The following B3GLCT variants were observed in gnomAD, a reference collection of about 807,000 sequenced individuals.
B3GLCT encodes the protein beta 3-glucosyltransferase.
A neutral mutation model predicts 63.4 loss-of-function variants in B3GLCT; 65 were observed. The ratio of observed to expected loss-of-function variants is 1.03; its 90% CI spans 0.84 to 1.26. The LOEUF (loss-of-function observed/expected upper bound fraction) is 1.26, where lower values mean the gene tolerates loss of function less well. Ranked by LOEUF, B3GLCT falls within the 50% of genes most tolerant of loss-of-function variation. The pLI, the probability that B3GLCT is intolerant of heterozygous loss-of-function variation, is 0.00. For synonymous variants in B3GLCT, 233 were observed against 219.2 expected, an observed-to-expected ratio of 1.06 and a Z score of -0.55; for missense variants, 577 against 604.8, an observed-to-expected ratio of 0.95 and a Z score of 0.48.
chr13:31,223,049 A>G (rs1869902346), intron 3 of B3GLCT, 58 bp downstream of exon 3: 2 of 1,126,050 alleles, frequency 1.8e-6, no homozygotes, highest in African/African-American at 1.5e-5. Flanking sequence ...TGTATGAATT[A>G]TATTTCCATG....
intron 4 of B3GLCT, among the ~76,000 whole-genome samples, chr13:31,240,048 TTA>T (rs1231412791): frequency 1.3e-5 from 2 of 151,844 alleles, no homozygotes; most frequent in Non-Finnish European, 2.9e-5. Flanking sequence ...AGGACAGTGT[TTA>T]GAATTAAGGC....
chr13:31,243,617 C>T (rs936892574), intron 4 of B3GLCT, among the ~76,000 whole-genome samples: 1 of 152,128 alleles, frequency 6.6e-6, no homozygotes, highest in African/African-American at 2.4e-5. Context: ...TGGAATCAAA[C>T]CCCTTTCCCA....
chr13:31,229,464 A>G (rs568613777), intron 4 of B3GLCT, among the ~76,000 whole-genome samples, 170 bp downstream of exon 4: 3 of 152,290 alleles, frequency 2.0e-5, no homozygotes, highest in African/African-American at 4.8e-5. Flanking sequence ...TGTTTCGGTC[A>G]GCTGGGCGTG....
intron 1 of B3GLCT, among the ~76,000 whole-genome samples, chr13:31,208,645 T>G (rs1379569811): frequency 1.2e-5 from 1 of 84,960 alleles, no homozygotes; most frequent in East Asian, 3.3e-4. Flanking sequence ...CACTGCCACC[T>G]TCATTGAGGC....
intron 13 of B3GLCT, among the ~76,000 whole-genome samples, chr13:31,320,319 TC>T (rs1875271292): frequency 6.6e-6 from 1 of 152,160 alleles, no homozygotes; most frequent in Admixed American, 6.5e-5. Context: ...AATTTAATCT[TC>T]TCTAGTTTGC....
At chr13:31,265,093 T>C (rs1286988237) in intron 7 of B3GLCT, among the ~76,000 whole-genome samples, 5 of 152,206 alleles carry the variant, frequency 3.3e-5, no homozygotes, top group Non-Finnish European at 7.3e-5. Flanking sequence ...CAACCATGAA[T>C]GGTAAGTGCT....
At chr13:31,263,360 T>C (rs960128728) in intron 7 of B3GLCT, among the ~76,000 whole-genome samples, 12 of 152,206 alleles carry the variant, frequency 7.9e-5, no homozygotes, top group African/African-American at 2.7e-4. Context: ...CAGGTGCAGG[T>C]TGATGGAAGT....
chr13:31,279,289 AT>A (rs910403144), intron 10 of B3GLCT, among the ~76,000 whole-genome samples: 1 of 151,166 alleles, frequency 6.6e-6, no homozygotes, highest in African/African-American at 2.4e-5. Flanking sequence ...GGGGTGTTGG[AT>A]TTTTTTTTCA....
intron 12 of B3GLCT, among the ~76,000 whole-genome samples, chr13:31,313,141 A>G (rs572546967): frequency 8.5e-5 from 13 of 152,328 alleles, no homozygotes; most frequent in African/African-American, 2.9e-4. Flanking sequence ...GGGTATTTTT[A>G]TAAGACTCAT....
At chr13:31,236,016 A>G (rs886854478) in intron 4 of B3GLCT, among the ~76,000 whole-genome samples, 1 of 152,206 alleles carries the variant, frequency 6.6e-6, no homozygotes, top group Non-Finnish European at 1.5e-5. Flanking sequence ...TGTGATGGAC[A>G]TTTTCATCTG....
chr13:31,299,262 A>G (rs896487570), intron 12 of B3GLCT, among the ~76,000 whole-genome samples: 4 of 152,194 alleles, frequency 2.6e-5, no homozygotes, highest in Admixed American at 6.5e-5. Context: ...CTATTCATCT[A>G]TCAAACTATG....
intron 3 of B3GLCT, among the ~76,000 whole-genome samples, chr13:31,225,219 C>T (rs778807029): frequency 2.6e-5 from 4 of 152,190 alleles, no homozygotes; most frequent in African/African-American, 9.6e-5. Context: ...TGAGTTGTGA[C>T]AGTGTTTGCT....
At chr13:31,298,347 T>G (rs1874058195) in intron 12 of B3GLCT, among the ~76,000 whole-genome samples, 1 of 152,196 alleles carries the variant, frequency 6.6e-6, no homozygotes, top group East Asian at 1.9e-4. Flanking sequence ...AGAGTCTCAT[T>G]CCATCATTAA....
intron 10 of B3GLCT, 103 bp from the exon 11 acceptor site, chr13:31,284,545 A>G: frequency 1.3e-6 from 1 of 748,644 alleles, no homozygotes. Flanking sequence ...AAGAACAACC[A>G]GTAATGTTTC....
chr13:31,323,603 A>G (rs933138398), intron 13 of B3GLCT, 148 bp from the exon 14 acceptor site: 6 of 850,162 alleles, frequency 7.1e-6, no homozygotes, highest in East Asian at 2.5e-5. Context: ...GAGAACAGGT[A>G]GGGTTTTACC....
intron 4 of B3GLCT, among the ~76,000 whole-genome samples, chr13:31,237,320 G>A (rs1264955975): frequency 1.3e-5 from 2 of 151,212 alleles, no homozygotes; most frequent in East Asian, 1.9e-4. Flanking sequence ...AAAGAGGCAG[G>A]AGGGCTCCTT....
At chr13:31,275,724 G>A (rs1157876740) in intron 9 of B3GLCT, among the ~76,000 whole-genome samples, 6 of 152,030 alleles carry the variant, frequency 3.9e-5, no homozygotes, top group Admixed American at 6.6e-5. Context: ...AGATATTGTC[G>A]TTATTCTCAA....
At chr13:31,326,982 A>T (rs1875656452) in intron 14 of B3GLCT, among the ~76,000 whole-genome samples, 1 of 152,124 alleles carries the variant, frequency 6.6e-6, no homozygotes, top group Non-Finnish European at 1.5e-5. Context: ...TTCTATCTTC[A>T]ACAGTTCATT....
In B3GLCT at chr13:31,329,836, G is replaced by T; in HGVS notation, c.*168G>T. 2 of 724,246 alleles carry T rather than the reference G, an allele frequency of 2.8e-6. 1 individual carries two copies. Among genetic ancestry groups the T allele is most frequent in the South Asian group, 3.5e-5 (2 of 57,510 alleles). 44.9% of individuals were successfully genotyped at this position (724,246 alleles called of 1,614,324 possible). ...TATTTTTTGACAGAGGAAGAAAAGG[G>T]GTCACAGGAGAAACATTTTTTTTTC... On this transcript the variant is annotated 3_prime_UTR_variant, in exon 15 of 15. Transcript: ENST00000343307.
Sources: gnomAD v4.1 joint callset for allele counts (sites outside exome capture counted in the v4.1 genomes callset) on GRCh38, gnomAD v4.1.1 for gene constraint, MANE v1.5 for transcripts, NCBI Gene and HGNC (gene_info 2026-07-23, HGNC 2026-07-21) for gene names.